KLF8: variants seen among roughly 807,000 people sequenced by gnomAD.
KLF8 encodes the protein Krueppel-like factor 8.
In KLF8, 10 loss-of-function variants were observed where a neutral mutation model predicts 18.2. The ratio of observed to expected loss-of-function variants is 0.55; its 90% CI spans 0.34 to 0.93. The LOEUF (loss-of-function observed/expected upper bound fraction) is 0.93, where lower values mean the gene tolerates loss of function less well. KLF8 is among the 40% of genes least tolerant of loss of function. KLF8 has a pLI of 0.02. For missense variants in KLF8, 264 were observed against 277.9 expected, an observed-to-expected ratio of 0.95 and a Z score of 0.36; for synonymous variants, 109 against 97.3, an observed-to-expected ratio of 1.12 and a Z score of -0.71.
chrX:56,090,048 C>G, the KLF8 span, among the ~76,000 whole-genome samples: 1 of 111,897 alleles, frequency 8.9e-6, no homozygotes, highest in South Asian at 3.7e-4. Flanking sequence ...AACTCCAGCT[C>G]CCTCTAACCT....
At chrX:56,153,333 G>A in the KLF8 span, among the ~76,000 whole-genome samples, 25 of 108,891 alleles carry the variant, frequency 2.3e-4, no homozygotes, top group East Asian at 7.3e-3. Flanking sequence ...CTTGCATGGG[G>A]AACAGAGAGG....
At chrX:56,022,551 C>CAAAAAAAAAAAAAAAA in the KLF8 span, among the ~76,000 whole-genome samples, 1 of 27,310 alleles carries the variant, frequency 3.7e-5, no homozygotes, top group African/African-American at 1.0e-4. Context: ...TCTGTCTGAC[C>CAAAAAAAAAAAAAAAA]AAAAAAAAAA....
At chrX:56,144,285 C>T in the KLF8 span, among the ~76,000 whole-genome samples, 1 of 111,395 alleles carries the variant, frequency 9.0e-6, no homozygotes, top group Non-Finnish European at 1.9e-5. Context: ...TTACATATAA[C>T]ACCAAAAGCA....
chrX:55,982,852 A>G, the KLF8 span, among the ~76,000 whole-genome samples: 1 of 112,191 alleles, frequency 8.9e-6, no homozygotes, highest in East Asian at 2.8e-4. Flanking sequence ...TCTCCCTGTC[A>G]GAGGTCACAA....
chrX:56,223,538 G>A, the KLF8 span, among the ~76,000 whole-genome samples: 1 of 112,235 alleles, frequency 8.9e-6, no homozygotes, highest in Non-Finnish European at 1.9e-5. Context: ...TTAGCCAGTC[G>A]GTGAATTTAG....
chrX:56,052,901 G>T, the KLF8 span, among the ~76,000 whole-genome samples: 1 of 111,368 alleles, frequency 9.0e-6, no homozygotes. Context: ...TCAGACTGCT[G>T]TGCTAGCAAT....
At chrX:56,180,302 T>A in the KLF8 span, among the ~76,000 whole-genome samples, 10 of 112,210 alleles carry the variant, frequency 8.9e-5, no homozygotes, top group Non-Finnish European at 1.5e-4. Flanking sequence ...TAGTTTGTAT[T>A]TCTTTGGGAT....
the KLF8 span, among the ~76,000 whole-genome samples, chrX:56,159,325 C>G: frequency 8.9e-6 from 1 of 112,020 alleles, no homozygotes; most frequent in Admixed American, 9.5e-5. Context: ...CGATGTTCAT[C>G]AGGGATATTG....
the KLF8 span, among the ~76,000 whole-genome samples, chrX:56,027,883 AT>A: frequency 8.9e-6 from 1 of 112,669 alleles, no homozygotes; most frequent in Non-Finnish European, 1.9e-5. Context: ...TACTTGGTTA[AT>A]CTAGCATTTG....
the KLF8 span, among the ~76,000 whole-genome samples, chrX:56,105,518 A>G: frequency 3.2e-4 from 35 of 109,722 alleles, no homozygotes; most frequent in Admixed American, 3.4e-3. Context: ...ATCAAAGACT[A>G]GAACTGCAAC....
At chrX:56,135,379 T>G in the KLF8 span, among the ~76,000 whole-genome samples, 38 of 111,113 alleles carry the variant, frequency 3.4e-4, no homozygotes, top group South Asian at 3.8e-4. Flanking sequence ...CCATAAAAAA[T>G]GATGAGTTCA....
chrX:56,184,433 C>T, the KLF8 span, among the ~76,000 whole-genome samples: 1 of 112,718 alleles, frequency 8.9e-6, no homozygotes, highest in Admixed American at 9.4e-5. Context: ...TAGGCTCCAC[C>T]TCTGGGGGCA....
chrX:56,221,838 C>G, the KLF8 span, among the ~76,000 whole-genome samples: 7 of 111,504 alleles, frequency 6.3e-5, no homozygotes, highest in African/African-American at 1.3e-4. Context: ...GGAAGGGGAC[C>G]GGAGGGGGTT....
the KLF8 span, among the ~76,000 whole-genome samples, chrX:56,055,637 G>A: frequency 8.9e-5 from 10 of 112,106 alleles, no homozygotes; most frequent in Non-Finnish European, 1.7e-4. Flanking sequence ...AAGTTCTCAT[G>A]GATGATAATC....
chrX:56,053,401 A>G, the KLF8 span, among the ~76,000 whole-genome samples: 12 of 111,482 alleles, frequency 1.1e-4, no homozygotes, highest in African/African-American at 3.9e-4. Context: ...ATATGCTGCC[A>G]GCTTCAGTTT....
At chrX:56,216,093 T>C in the KLF8 span, among the ~76,000 whole-genome samples, 11 of 108,572 alleles carry the variant, frequency 1.0e-4, no homozygotes, top group Admixed American at 1.1e-3. Flanking sequence ...CAGTATTCAA[T>C]CTGTTCCCTA....
chrX:56,185,480 T>C, the KLF8 span, among the ~76,000 whole-genome samples: 3 of 111,308 alleles, frequency 2.7e-5, no homozygotes, highest in Non-Finnish European at 5.7e-5. Flanking sequence ...ACTTCCCCAA[T>C]CTAGCAAGGC....
At chrX:56,198,638 C>G in the KLF8 span, among the ~76,000 whole-genome samples, 2 of 111,838 alleles carry the variant, frequency 1.8e-5, no homozygotes, top group Non-Finnish European at 3.8e-5. Context: ...TAGGAAGAAT[C>G]AATATCATGA....
intron 1 of KLF8, among the ~76,000 whole-genome samples, chrX:56,234,681 C>T (rs960804077): frequency 8.9e-6 from 1 of 112,356 alleles, no homozygotes; most frequent in Non-Finnish European, 1.9e-5. Flanking sequence ...TTCTCTCATT[C>T]TTTGGGCAAC....
Sources: gnomAD v4.1 joint callset for allele counts (sites outside exome capture counted in the v4.1 genomes callset) on GRCh38, gnomAD v4.1.1 for gene constraint, MANE v1.5 for transcripts, NCBI Gene and HGNC (gene_info 2026-07-23, HGNC 2026-07-21) for gene names.